Variants in RIT2 observed in about 807,000 individuals in gnomAD.
The protein encoded by RIT2 is GTP-binding protein Rit2.
RIT2 carries 24 observed loss-of-function variants against 23.7 expected under a neutral mutation model. The ratio of observed to expected loss-of-function variants is 1.01; its 90% confidence interval spans 0.73 to 1.43. The LOEUF is 1.43. Ranked by LOEUF, RIT2 falls within the 40% of genes most tolerant of loss-of-function variation. The pLI is 0.00. For missense variants in RIT2, 236 were observed against 266.9 expected (o/e 0.88, Z 0.81); for synonymous variants, 107 against 91.1 (o/e 1.17, Z -0.99).
chr18:42,887,649 C>G (rs1908058626), intron 4 of RIT2, among the ~76,000 whole-genome samples: 1 of 152,168 alleles, frequency 6.6e-6, no homozygotes. Context: ...ACCCAGCAAT[C>G]AAGCTTGTTG....
At chr18:43,038,056 T>C (rs1912022956) in intron 1 of RIT2, among the ~76,000 whole-genome samples, 3 of 151,496 alleles carry the variant, frequency 2.0e-5, no homozygotes, top group Admixed American at 6.6e-5. Flanking sequence ...TAAAAAAAAA[T>C]GGGCTGGGCA....
intron 1 of RIT2, among the ~76,000 whole-genome samples, chr18:43,067,447 T>C (rs1912797420): frequency 6.6e-6 from 1 of 152,188 alleles, no homozygotes; most frequent in Admixed American, 6.5e-5. Flanking sequence ...GGGCACAGCC[T>C]AGTTTTATAC....
At chr18:43,016,293 T>G (rs1234583523) in intron 2 of RIT2, among the ~76,000 whole-genome samples, 2 of 152,014 alleles carry the variant, frequency 1.3e-5, no homozygotes, top group East Asian at 3.9e-4. Flanking sequence ...GAATTGTTGC[T>G]TCCATTGGTG....
intron 4 of RIT2, among the ~76,000 whole-genome samples, chr18:42,773,226 G>A (rs1913592792): frequency 6.6e-6 from 1 of 152,172 alleles, no homozygotes; most frequent in African/African-American, 2.4e-5. Flanking sequence ...AAAGTTTGAT[G>A]CAGAACTGAC....
At chr18:42,827,893 T>C (rs1242427455) in intron 4 of RIT2, among the ~76,000 whole-genome samples, 1 of 149,622 alleles carries the variant, frequency 6.7e-6, no homozygotes, top group Non-Finnish European at 1.5e-5. Flanking sequence ...TAGTCCCAGC[T>C]ACTCGGGAGG....
Position 43,051,226 on chromosome 18 carries a change from A to G in RIT2, c.104-17359T>C, listed in dbSNP as rs554198686. Among the ~76,000 whole-genome samples the G allele has an allele frequency of 7.2e-5, 11 of 152,252 alleles. No homozygotes were observed. The South Asian group carries it at 2.3e-3, about 32-fold the overall frequency. On this transcript the variant is annotated intron_variant, in intron 1 of 4. Coordinates refer to ENST00000326695, the MANE Select transcript of RIT2 (RefSeq NM_002930.4). ...AACAAATCAAAACACGTATTTGGCC[A>G]CAGAAGTCTTCCATGTTAATGATTG...
In RIT2 at chr18:42,899,609, A is replaced by G. The variant is rs138023729; in HGVS notation, c.426+23963T>C. 9.4e-3 allele frequency among the ~76,000 whole-genome samples: 1,427 copies of G among 152,142 alleles called. 14 individuals carry two copies. Among genetic ancestry groups the G allele is most frequent in the Non-Finnish European group, 0.015 (998 of 67,990 alleles). ...ATTACCTTTATTTCGATTCATGGTC[A>G]AAGCGTGAGGTAATGCAAACCTGAG... On this transcript the variant is annotated intron_variant, in intron 4 of 4. Transcript: ENST00000326695.
chr18:43,115,540 A>G lies in RIT2; in HGVS notation c.-21T>C, dbSNP rs1289024724. On this transcript the variant is annotated 5_prime_UTR_variant, in exon 1 of 5. Coordinates refer to ENST00000326695, the MANE Select transcript of RIT2 (RefSeq NM_002930.4). ...TCCATCTTACCCGAGGGACCGGAGG[A>G]AAAAAAGAAGGAGAAAGTCACCCGT... 3 of 1,600,024 alleles carry G rather than the reference A, an allele frequency of 1.9e-6. No homozygotes were observed. In the South Asian group the frequency reaches 3.4e-5, roughly 18 times the overall value.
At chr18:42,821,202 C>A (rs899529374) in intron 4 of RIT2, among the ~76,000 whole-genome samples, 1 of 152,016 alleles carries the variant, frequency 6.6e-6, no homozygotes, top group Non-Finnish European at 1.5e-5. Flanking sequence ...CAAATACAGA[C>A]CCTGATAGAG....
chr18:42,756,522 T>G lies in RIT2; in HGVS notation c.427-12802A>C, dbSNP rs555168014. Among the ~76,000 whole-genome samples, 13 of 152,286 alleles carry G rather than the reference T, an allele frequency of 8.5e-5. No homozygotes were observed. In the South Asian group the frequency reaches 2.7e-3, roughly 32 times the overall value. ...AAAGAGAAGGTTAATGCTAAATATT[T>G]TGCTAACAGCAATATCTGCCTTCTT... is the stretch of plus-strand genomic sequence containing the variant. On this transcript the variant is annotated intron_variant, in intron 4 of 4. Transcript: ENST00000326695.
chr18:42,828,198 C>T (rs1225307006), intron 4 of RIT2, among the ~76,000 whole-genome samples: 4 of 152,108 alleles, frequency 2.6e-5, no homozygotes, highest in South Asian at 4.1e-4. Context: ...CTAGAGAGGG[C>T]TTTGTCAATA....
chr18:43,098,652 G>A (rs994183125), intron 1 of RIT2, among the ~76,000 whole-genome samples: 4 of 151,902 alleles, frequency 2.6e-5, no homozygotes, highest in African/African-American at 7.2e-5. Flanking sequence ...TAGTGCTTAT[G>A]AGGAAGTGCC....
intron 1 of RIT2, among the ~76,000 whole-genome samples, chr18:43,054,324 T>G (rs1415795245): frequency 6.6e-6 from 1 of 152,108 alleles, no homozygotes; most frequent in Non-Finnish European, 1.5e-5. Context: ...TTTGAGGCAA[T>G]TTATAAATGT....
At chr18:42,752,571 T>C (rs1348098980) in intron 4 of RIT2, among the ~76,000 whole-genome samples, 1 of 152,194 alleles carries the variant, frequency 6.6e-6, no homozygotes, top group African/African-American at 2.4e-5. Flanking sequence ...TCTTTCTTGC[T>C]GTCTCTCATG....
chr18:43,063,893 A>G (rs1175320541), intron 1 of RIT2, among the ~76,000 whole-genome samples: 2 of 152,142 alleles, frequency 1.3e-5, no homozygotes, highest in African/African-American at 2.4e-5. Context: ...GAGGAGTAAG[A>G]CCTCATCCAG....
At chr18:43,049,086 A>G (rs1220575242) in intron 1 of RIT2, among the ~76,000 whole-genome samples, 1 of 152,152 alleles carries the variant, frequency 6.6e-6, no homozygotes, top group East Asian at 1.9e-4. Flanking sequence ...CATCACTAGT[A>G]TGGCACTCCA....
chr18:42,911,397 A>G (rs1423882419), intron 4 of RIT2, among the ~76,000 whole-genome samples: 2 of 151,982 alleles, frequency 1.3e-5, no homozygotes, highest in Non-Finnish European at 2.9e-5. Context: ...ATCTAAAAAA[A>G]TCAATAAAAT....
intron 2 of RIT2, among the ~76,000 whole-genome samples, chr18:42,976,096 A>G (rs1415262722): frequency 2.0e-5 from 3 of 151,972 alleles, no homozygotes; most frequent in Non-Finnish European, 2.9e-5. Flanking sequence ...GTTTTCTTTC[A>G]ATTGTTGGTT....
chr18:43,102,768 C>T (rs925863425), intron 1 of RIT2, among the ~76,000 whole-genome samples: 1 of 152,024 alleles, frequency 6.6e-6, no homozygotes, highest in Non-Finnish European at 1.5e-5. Context: ...ATTCTCATGC[C>T]TCAGCTTCCT....
Sources: gnomAD v4.1 joint callset for allele counts (sites outside exome capture counted in the v4.1 genomes callset) on GRCh38, gnomAD v4.1.1 for gene constraint, MANE v1.5 for transcripts, NCBI Gene and HGNC (gene_info 2026-07-23, HGNC 2026-07-21) for gene names.